Variants in KLF15 observed in about 807,000 individuals in gnomAD.
KLF15 encodes KLF transcription factor 15, also known as Krueppel-like factor 15.
Under a neutral mutation model 24.6 loss-of-function variants are expected in KLF15, and 4 were observed. That is an observed-to-expected ratio of 0.16 (90% CI 0.08 to 0.37). The LOEUF is 0.37. Among genes scored for constraint, KLF15 ranks in the 10% least tolerant of loss-of-function variants. The pLI is 1.00. For missense variants in KLF15, 496 were observed against 560.6 expected, an observed-to-expected ratio of 0.88 and a Z score of 1.16; for synonymous variants, 246 against 236.3, an observed-to-expected ratio of 1.04 and a Z score of -0.37.
At chr3:126,307,792 G>T in the KLF15 span, among the ~76,000 whole-genome samples, 251 of 152,254 alleles carry the variant, frequency 1.6e-3, no homozygotes, top group African/African-American at 5.6e-3. Context: ...TGGGCTGTGC[G>T]TCCCCAGCTG....
chr3:126,316,431 C>CATGGGCCTGAGTGGGGAAGGGATACT, the KLF15 span, among the ~76,000 whole-genome samples: 10 of 30,440 alleles, frequency 3.3e-4, no homozygotes, highest in Non-Finnish European at 6.0e-4. Flanking sequence ...GAAGGGAGTG[C>CATGGGCCTGAGTGGGGAAGGGATACT]ATGGGCCTGA....
the KLF15 span, among the ~76,000 whole-genome samples, chr3:126,312,213 T>C: frequency 6.6e-6 from 1 of 152,222 alleles, no homozygotes; most frequent in African/African-American, 2.4e-5. Context: ...GGTCTTGCTT[T>C]GTCACCCACA....
At chr3:126,314,586 G>T in the KLF15 span, among the ~76,000 whole-genome samples, 2 of 152,088 alleles carry the variant, frequency 1.3e-5, no homozygotes, top group African/African-American at 4.8e-5. Context: ...CCAGGCTCTT[G>T]CTACTAGAAC....
the KLF15 span, among the ~76,000 whole-genome samples, chr3:126,334,111 C>A: frequency 6.6e-6 from 1 of 151,914 alleles, no homozygotes; most frequent in Non-Finnish European, 1.5e-5. Flanking sequence ...CAAATCAACA[C>A]AATATACATT....
At chr3:126,301,860 C>G in the KLF15 span, among the ~76,000 whole-genome samples, 1 of 151,918 alleles carries the variant, frequency 6.6e-6, no homozygotes, top group African/African-American at 2.4e-5. Flanking sequence ...GGTGATCTAC[C>G]GGCCTCAGCC....
chr3:126,331,585 T>C, the KLF15 span, among the ~76,000 whole-genome samples: 1 of 152,196 alleles, frequency 6.6e-6, no homozygotes, highest in African/African-American at 2.4e-5. Context: ...AAGCATTTGA[T>C]TTAATAAAAT....
At chr3:126,294,367 T>G in the KLF15 span, among the ~76,000 whole-genome samples, 28,219 of 152,182 alleles carry the variant, frequency 0.19, 3,011 homozygotes, top group East Asian at 0.3. Context: ...GATCTCTGTC[T>G]GCTAATTTTA....
chr3:126,351,991 T>C lies in KLF15; in HGVS notation c.932A>G (p.Lys311Arg), dbSNP rs930979186. The C allele has an allele frequency of 6.3e-7, 1 of 1,582,232 alleles. No individual in the cohort carries two copies. The highest frequency in any genetic ancestry group is 1.3e-5 in the African/African-American group (1 of 74,402). Residue 311 changes from lysine to arginine, a missense_variant, in exon 2 of 3, where the codon AAG becomes AGG. Physicochemically the swap from Lys to Arg is conservative, Grantham distance 26. Coordinates refer to ENST00000296233, the MANE Select transcript of KLF15 (RefSeq NM_014079.4). ...AGLLMGQKFPKNPAAELIKMH... is the reference protein window; with the variant it reads ...AGLLMGQKFPRNPAAELIKMH... ...TTTGATGAGTTCTGCGGCTGGGTTC[T>C]TGGGGAACTTCTGGCCCATGAGGAG...
At chr3:126,315,763 T>C in the KLF15 span, among the ~76,000 whole-genome samples, 3 of 151,928 alleles carry the variant, frequency 2.0e-5, no homozygotes, top group African/African-American at 7.3e-5. Context: ...AAGAAGGAGG[T>C]GGGCTTTCTA....
chr3:126,305,038 GA>G, the KLF15 span, among the ~76,000 whole-genome samples: 1 of 152,194 alleles, frequency 6.6e-6, no homozygotes, highest in African/African-American at 2.4e-5. Flanking sequence ...GCAACTTCCA[GA>G]GTGTGTTACA....
chr3:126,343,438 G>A lies in KLF15; in HGVS notation c.*289C>T. 2.7e-6 allele frequency: 1 copy of A among 377,318 alleles called. No individual in the cohort carries two copies. Among genetic ancestry groups the A allele is most frequent in the Non-Finnish European group, 4.7e-6 (1 of 211,088 alleles). The allele number at this position is 377,318 out of a possible 1,614,324, so 23.4% of individuals were successfully genotyped here. A position where few individuals can be genotyped will look rare whatever the true frequency, so the allele number is the denominator to read the frequency against. ...AAAACTCTGCCTGCAACCAGCGGCT[G>A]CAGCAGAGGCCTGGCCACCGCGGGA... On this transcript the variant is annotated 3_prime_UTR_variant, in exon 3 of 3. Transcript: ENST00000296233.
chr3:126,311,226 A>C, the KLF15 span, among the ~76,000 whole-genome samples: 1 of 152,302 alleles, frequency 6.6e-6, no homozygotes, highest in East Asian at 1.9e-4. Flanking sequence ...ACAGGCAAAA[A>C]GAAACTCCCC....
the KLF15 span, among the ~76,000 whole-genome samples, chr3:126,306,097 C>G: frequency 4.6e-5 from 7 of 152,196 alleles, no homozygotes; most frequent in African/African-American, 7.2e-5. Flanking sequence ...CATGGGGTCT[C>G]AGATGCTCAG....
chr3:126,294,644 G>A, the KLF15 span, among the ~76,000 whole-genome samples: 1 of 152,142 alleles, frequency 6.6e-6, no homozygotes, highest in Admixed American at 6.5e-5. Flanking sequence ...ACCCTTGGTT[G>A]CATTTGGCCT....
chr3:126,307,538 C>T, the KLF15 span, among the ~76,000 whole-genome samples: 4 of 152,190 alleles, frequency 2.6e-5, no homozygotes, highest in Non-Finnish European at 5.9e-5. Context: ...GTGCTAATGA[C>T]CCCCGACACA....
the KLF15 span, among the ~76,000 whole-genome samples, chr3:126,291,689 G>A: frequency 1.3e-5 from 2 of 152,344 alleles, no homozygotes; most frequent in African/African-American, 4.8e-5. Flanking sequence ...GATGTCCCTG[G>A]GCCGGTTGCA....
At chr3:126,328,456 A>G in the KLF15 span, among the ~76,000 whole-genome samples, 1 of 152,180 alleles carries the variant, frequency 6.6e-6, no homozygotes, top group Non-Finnish European at 1.5e-5. Context: ...TAGTAGTGGC[A>G]TTGCTGGATC....
At chr3:126,342,075 T>C (rs2107549144), downstream of KLF15, among the ~76,000 whole-genome samples, 1 of 152,144 alleles carries the variant, frequency 6.6e-6, no homozygotes, top group African/African-American at 2.4e-5. Flanking sequence ...ACCCCAGGCA[T>C]GTTGGGGAGT....
At chr3:126,320,891 C>A in the KLF15 span, among the ~76,000 whole-genome samples, 6 of 152,032 alleles carry the variant, frequency 3.9e-5, no homozygotes, top group Non-Finnish European at 7.4e-5. Flanking sequence ...GAAGGGTGGT[C>A]CTGAGCTTCC....
Sources: allele counts gnomAD v4.1 joint callset (sites outside exome capture counted in the v4.1 genomes callset), GRCh38; gene constraint gnomAD v4.1.1; transcripts MANE v1.5; gene names NCBI Gene and HGNC (gene_info 2026-07-23, HGNC 2026-07-21).